Variants in ALDH1L2 observed in about 807,000 individuals in gnomAD.
ALDH1L2 encodes aldehyde dehydrogenase 1 family member L2.
A neutral mutation model predicts 111.0 loss-of-function variants in ALDH1L2; 91 were observed. That is an observed-to-expected ratio of 0.82 (90% CI 0.69 to 0.98). The LOEUF (loss-of-function observed/expected upper bound fraction) is 0.98, where lower values mean the gene tolerates loss of function less well. ALDH1L2 is among the 50% of genes least tolerant of loss of function. ALDH1L2 has a pLI of 0.00. For synonymous variants in ALDH1L2, 374 were observed against 392.6 expected, an observed-to-expected ratio of 0.95 and a Z score of 0.56; for missense variants, 995 against 1,126.8, an observed-to-expected ratio of 0.88 and a Z score of 1.67.
intron 2 of ALDH1L2, 55 bp from the exon 3 acceptor site, chr12:105,070,859 C>T: frequency 1.5e-6 from 2 of 1,370,934 alleles, no homozygotes; most frequent in Non-Finnish European, 2.0e-6. Context: ...TTTTACATCA[C>T]TATGAATTCA....
intron 15 of ALDH1L2, among the ~76,000 whole-genome samples, chr12:105,045,733 G>A (rs944531648): frequency 6.6e-6 from 1 of 151,988 alleles, no homozygotes; most frequent in Admixed American, 6.5e-5. Context: ...CAAAATGGCC[G>A]TGGCCACATG....
intron 19 of ALDH1L2, 139 bp from the exon 20 acceptor site, chr12:105,032,073 G>A (rs949532759): frequency 2.6e-6 from 2 of 761,832 alleles, no homozygotes; most frequent in East Asian, 3.1e-5. Flanking sequence ...GTAGGTGGTT[G>A]GTTTTTTTTT....
At position 105,024,690 on chromosome 12, in the gene ALDH1L2, C is replaced by T. The variant is rs186779248; in HGVS notation, c.2717-211G>A. Among the ~76,000 whole-genome samples, 3 of 152,274 alleles carry T rather than the reference C, an allele frequency of 2.0e-5. No homozygotes were observed. In the East Asian group the frequency reaches 5.8e-4, roughly 29 times the overall value. On this transcript the variant is annotated intron_variant, in intron 22 of 22. Coordinates refer to ENST00000258494, the MANE Select transcript of ALDH1L2 (RefSeq NM_001034173.4). ...TGATCTGATTAAGTCTGGTGTGGGC[C>T]CAGAGGTTTTGTGTTGCTAACCATT...
At chr12:105,062,490 T>A (rs892456932) in intron 7 of ALDH1L2, among the ~76,000 whole-genome samples, 1 of 152,232 alleles carries the variant, frequency 6.6e-6, no homozygotes, top group African/African-American at 2.4e-5. Context: ...GGTGCCTGTC[T>A]GGTGGATCAG....
chr12:105,036,362 ATATT>A (rs1225174155), intron 18 of ALDH1L2, among the ~76,000 whole-genome samples: 2 of 88,956 alleles, frequency 2.2e-5, no homozygotes, highest in Non-Finnish European at 3.9e-5. Context: ...ATGTGTATAT[ATATT>A]ATATATATAC....
chr12:105,037,162 A>G lies in ALDH1L2; in HGVS notation c.2145+941T>C, dbSNP rs76034395. 5.3e-3 allele frequency among the ~76,000 whole-genome samples: 802 copies of G among 152,270 alleles called. 24 individuals carry two copies. The East Asian group carries it at 0.093, about 18-fold the overall frequency. ...TTAGCACAACCCCTGCCGAGCATTG[A>G]CTCATTTTATGCCTATATCTCAGAT... On this transcript the variant is annotated intron_variant, in intron 18 of 22. Coordinates refer to ENST00000258494, the MANE Select transcript of ALDH1L2 (RefSeq NM_001034173.4).
At chr12:105,024,587 G>T (rs886827472) in intron 22 of ALDH1L2, 108 bp from the exon 23 acceptor site, 8 of 1,095,676 alleles carry the variant, frequency 7.3e-6, no homozygotes, top group Non-Finnish European at 1.1e-5. Context: ...TAAGTAAATA[G>T]AATGTGGCCT....
chr12:105,074,041 G>A, intron 1 of ALDH1L2, 36 bp from the exon 2 acceptor site: 2 of 1,613,020 alleles, frequency 1.2e-6, no homozygotes, highest in Non-Finnish European at 1.7e-6. Flanking sequence ...CATAAGCATG[G>A]ATAGAAGACA....
chr12:105,065,444 C>A, intron 5 of ALDH1L2, 88 bp from the exon 6 acceptor site: 1 of 1,074,622 alleles, frequency 9.3e-7, no homozygotes, highest in Admixed American at 2.1e-5. Flanking sequence ...GAGGCAGAAA[C>A]ACTTGTTATT....
chr12:105,077,559 G>A lies in ALDH1L2; in HGVS notation c.49-3554C>T, dbSNP rs113648640. The stretch of plus-strand genomic sequence containing the variant: ...ATCCCAAAGTGCTAGGATTACAGGC[G>A]TGAGCCACCACGCCCGACCTTGTTT... On this transcript the variant is annotated intron_variant, in intron 1 of 22. Transcript: ENST00000258494. Among the ~76,000 whole-genome samples the A allele has an allele frequency of 7.4e-3, 1,128 of 151,904 alleles. 15 individuals carry two copies. The highest frequency in any genetic ancestry group is 0.026 in the African/African-American group (1,090 of 41,418).
intron 20 of ALDH1L2, among the ~76,000 whole-genome samples, chr12:105,031,109 CT>C (rs1874674407): frequency 6.6e-6 from 1 of 152,084 alleles, no homozygotes; most frequent in South Asian, 2.1e-4. Context: ...TTCTCTATCT[CT>C]TGTATTTCTT....
chr12:105,070,310 G>A (rs896168508), intron 3 of ALDH1L2, among the ~76,000 whole-genome samples: 1 of 152,108 alleles, frequency 6.6e-6, no homozygotes, highest in Non-Finnish European at 1.5e-5. Context: ...AACCAATCAG[G>A]ACCTCACAAC....
chr12:105,040,457 G>A, intron 16 of ALDH1L2, 150 bp downstream of exon 16: 1 of 756,428 alleles, frequency 1.3e-6, no homozygotes, highest in Non-Finnish European at 2.3e-6. Context: ...TTTAGCACAT[G>A]GTAAGTATAT....
At chr12:105,063,205 A>G (rs1453454477) in intron 6 of ALDH1L2, among the ~76,000 whole-genome samples, 183 bp from the exon 7 acceptor site, 1 of 152,226 alleles carries the variant, frequency 6.6e-6, no homozygotes, top group African/African-American at 2.4e-5. Flanking sequence ...GGCCGGGCAC[A>G]GTGGCTCACG....
intron 15 of ALDH1L2, among the ~76,000 whole-genome samples, chr12:105,041,163 C>T (rs1489139539): frequency 6.6e-6 from 1 of 152,194 alleles, no homozygotes; most frequent in Non-Finnish European, 1.5e-5. Flanking sequence ...CACCAATTAT[C>T]CCAATAATGT....
intron 11 of ALDH1L2, 72 bp from the exon 12 acceptor site, chr12:105,052,289 T>G (rs1876335461): frequency 7.1e-7 from 1 of 1,405,104 alleles, no homozygotes; most frequent in Non-Finnish European, 9.4e-7. Context: ...AATATTGTAT[T>G]AATAGAAAAA....
chr12:105,082,405 C>A (rs1451664176), intron 1 of ALDH1L2, among the ~76,000 whole-genome samples: 1 of 152,118 alleles, frequency 6.6e-6, no homozygotes, highest in Non-Finnish European at 1.5e-5. Flanking sequence ...TTTTTTCTGT[C>A]CCTATAGTTT....
chr12:105,034,153 A>G (rs1874851361), intron 19 of ALDH1L2, 147 bp downstream of exon 19: 2 of 694,502 alleles, frequency 2.9e-6, no homozygotes, highest in Non-Finnish European at 2.4e-6. Flanking sequence ...GTATGTAGCT[A>G]TAAAAAAACT....
At chr12:105,084,368 G>T in intron 1 of ALDH1L2, 21 bp downstream of exon 1, 1 of 1,468,394 alleles carries the variant, frequency 6.8e-7, no homozygotes, top group Non-Finnish European at 9.0e-7. Flanking sequence ...CAGCCGGGAC[G>T]CTCGCCCGGG....
Sources: allele counts gnomAD v4.1 joint callset (sites outside exome capture counted in the v4.1 genomes callset), GRCh38; gene constraint gnomAD v4.1.1; transcripts MANE v1.5; gene names NCBI Gene and HGNC (gene_info 2026-07-23, HGNC 2026-07-21).